Variants in SLC39A8 observed in about 807,000 individuals in gnomAD.
The protein encoded by SLC39A8 is solute carrier family 39 member 8, also known as metal cation symporter ZIP8.
SLC39A8 carries 15 observed loss-of-function variants against 40.4 expected under a neutral mutation model. The ratio of observed to expected loss-of-function variants is 0.37; its 90% CI spans 0.25 to 0.57. SLC39A8 has a LOEUF of 0.57. Ranked by LOEUF, SLC39A8 falls within the 20% of genes least tolerant of loss-of-function variation. The pLI is 0.75. For synonymous variants in SLC39A8, 223 were observed against 221.6 expected, an observed-to-expected ratio of 1.01 and a Z score of -0.06; for missense variants, 472 against 558.8, an observed-to-expected ratio of 0.84 and a Z score of 1.57.
At chr4:102,325,101 A>C (rs1735139743) in intron 2 of SLC39A8, among the ~76,000 whole-genome samples, 1 of 152,006 alleles carries the variant, frequency 6.6e-6, no homozygotes, top group Admixed American at 6.6e-5. Context: ...ATATGTATAC[A>C]TATATACACA....
intron 2 of SLC39A8, among the ~76,000 whole-genome samples, chr4:102,340,322 T>C (rs1438094767): frequency 6.6e-6 from 1 of 152,156 alleles, no homozygotes; most frequent in African/African-American, 2.4e-5. Context: ...TATAAAATAA[T>C]TTACATGTTA....
In SLC39A8 at chr4:102,261,989, A is replaced by C; in HGVS notation, c.*1055T>G. 1.0e-6 allele frequency: 1 copy of C among 985,846 alleles called. No individual in the cohort carries two copies. The highest frequency in any genetic ancestry group is 1.2e-6 in the Non-Finnish European group (1 of 829,872). The allele number at this position is 985,846 out of a possible 1,614,324, so 61.1% of individuals were successfully genotyped here. ...GGTAGAAAAATAACCATGGTGTGCTAATTTTTTTCAAGGTATACCATATGG... is the reference window on the plus strand; with the variant it reads ...GGTAGAAAAATAACCATGGTGTGCTCATTTTTTTCAAGGTATACCATATGG... On this transcript the variant is annotated 3_prime_UTR_variant, in exon 9 of 9. Transcript: ENST00000356736.
At chr4:102,278,753 T>C (rs1732737843) in intron 6 of SLC39A8, among the ~76,000 whole-genome samples, 2 of 152,148 alleles carry the variant, frequency 1.3e-5, no homozygotes, top group Admixed American at 6.5e-5. Context: ...TGCCCATCAA[T>C]GATAGAATGG....
chr4:102,267,656 A>C lies in SLC39A8; in HGVS notation c.1067T>G (p.Leu356Arg). 1 of 1,592,214 alleles carries C rather than the reference A, an allele frequency of 6.3e-7. No individual in the cohort carries two copies. The highest frequency in any genetic ancestry group is 8.5e-7 in the Non-Finnish European group (1 of 1,173,232). Residue 356 changes from leucine to arginine, a missense_variant, in exon 8 of 9, where the codon CTC (leucine) becomes CGC (arginine). This residue lies in a region of SLC39A8 where 239 missense variants were observed against 317.9 expected (regional missense o/e 0.75). Coordinates refer to ENST00000356736, the MANE Select transcript of SLC39A8 (RefSeq NM_001135146.2). ...TTGTCGAGTGCTCATCCCTGCATTGAGTAGGATCACAAAGTCTCCTAGAAG... is the reference window on the plus strand; with the variant it reads ...TTGTCGAGTGCTCATCCCTGCATTGCGTAGGATCACAAAGTCTCCTAGAAG... ...PHELGDFVIL[L>R]NAGMSTRQAL...
At chr4:102,306,493 C>G (rs780112373) in intron 4 of SLC39A8, among the ~76,000 whole-genome samples, 6 of 102,776 alleles carry the variant, frequency 5.8e-5, no homozygotes, top group Non-Finnish European at 1.2e-4. Context: ...ATCTATAACT[C>G]TAAAAAGTTA....
rs115336985 is a variant in SLC39A8, at chr4:102,332,332, C to T, written c.219+12112G>A. Among the ~76,000 whole-genome samples the T allele has an allele frequency of 6.5e-3, 990 of 152,274 alleles. 12 individuals are homozygous for T. Among genetic ancestry groups the T allele is most frequent in the African/African-American group, 0.022 (912 of 41,566 alleles). ...ACAAATTTACAAGAACAAAAACAAA[C>T]AACCCCACCAAAAACTGGGCAAAGG... On this transcript the variant is annotated intron_variant, in intron 2 of 8. Coordinates refer to ENST00000356736, the MANE Select transcript of SLC39A8 (RefSeq NM_001135146.2).
chr4:102,295,413 A>G lies in SLC39A8; in HGVS notation c.840+8904T>C, dbSNP rs17032491. ...CATATGGATATCAAAGTAGTCCATG[A>G]CTGACACCCATAAGAAACTGACTGT... On this transcript the variant is annotated intron_variant, in intron 6 of 8. Coordinates refer to ENST00000356736, the MANE Select transcript of SLC39A8 (RefSeq NM_001135146.2). 6.5e-3 allele frequency among the ~76,000 whole-genome samples: 995 copies of G among 152,210 alleles called. 17 individuals carry two copies. The highest frequency in any genetic ancestry group is 0.023 in the African/African-American group (949 of 41,558).
chr4:102,298,518 A>T (rs11734114), intron 6 of SLC39A8, among the ~76,000 whole-genome samples: 46,601 of 151,886 alleles, frequency 0.31, 7,618 homozygotes, highest in East Asian at 0.41. Context: ...ATTAATTGTT[A>T]TTATAGGGGA....
chr4:102,309,624 T>G (rs1394835756), intron 3 of SLC39A8, among the ~76,000 whole-genome samples: 1 of 152,122 alleles, frequency 6.6e-6, no homozygotes, highest in Non-Finnish European at 1.5e-5. Context: ...ATAATCTCAT[T>G]GGGTAGACAA....
chr4:102,318,002 C>T (rs1734737940), intron 2 of SLC39A8, among the ~76,000 whole-genome samples: 1 of 152,006 alleles, frequency 6.6e-6, no homozygotes, highest in African/African-American at 2.4e-5. Flanking sequence ...TGTTGCTTAA[C>T]CAAACTTTAG....
intron 2 of SLC39A8, among the ~76,000 whole-genome samples, chr4:102,329,362 C>A (rs113754240): frequency 1.3e-5 from 2 of 152,250 alleles, no homozygotes; most frequent in African/African-American, 2.4e-5. Context: ...GTGGCTCATG[C>A]CTGTATTCTC....
intron 6 of SLC39A8, among the ~76,000 whole-genome samples, chr4:102,300,695 A>G (rs1042848509): frequency 1.3e-5 from 2 of 151,978 alleles, no homozygotes; most frequent in Admixed American, 1.3e-4. Flanking sequence ...AAAATTCTTA[A>G]ATCCATACTT....
Position 102,262,383 on chromosome 4 carries a change from A to G in SLC39A8, c.*661T>C. 1.0e-6 allele frequency: 1 copy of G among 985,548 alleles called. No individual in the cohort carries two copies. Among genetic ancestry groups the G allele is most frequent in the Non-Finnish European group, 1.2e-6 (1 of 829,930 alleles). The allele number at this position is 985,548 out of a possible 1,614,324, so 61.1% of individuals were successfully genotyped here. ...AATCTGGTGAAGTTTATACTTAGCG[A>G]TAAGCCTCTAAGCCTGAACTTAGCA... On this transcript the variant is annotated 3_prime_UTR_variant, in exon 9 of 9. Transcript: ENST00000356736.
intron 6 of SLC39A8, among the ~76,000 whole-genome samples, chr4:102,282,703 T>C (rs920299787): frequency 6.6e-6 from 1 of 152,118 alleles, no homozygotes; most frequent in Non-Finnish European, 1.5e-5. Context: ...TCCTCTATTC[T>C]AGTGATCAAG....
At chr4:102,286,904 A>G (rs549014061) in intron 6 of SLC39A8, among the ~76,000 whole-genome samples, 106 of 152,280 alleles carry the variant, frequency 7.0e-4, no homozygotes, top group African/African-American at 2.5e-3. Context: ...TATTCTCATT[A>G]GGAAATTAGT....
chr4:102,309,732 C>G (rs1734343799), intron 3 of SLC39A8, among the ~76,000 whole-genome samples: 1 of 152,098 alleles, frequency 6.6e-6, no homozygotes, highest in East Asian at 1.9e-4. Flanking sequence ...ATCAGCTTCC[C>G]TGCAAACACC....
At chr4:102,294,351 C>T (rs1733591273) in intron 6 of SLC39A8, among the ~76,000 whole-genome samples, 1 of 151,926 alleles carries the variant, frequency 6.6e-6, no homozygotes, top group African/African-American at 2.4e-5. Flanking sequence ...TAGCAAGAAT[C>T]CCCTCATCCT....
chr4:102,293,909 T>G (rs955437435), intron 6 of SLC39A8, among the ~76,000 whole-genome samples: 8 of 146,210 alleles, frequency 5.5e-5, no homozygotes, highest in East Asian at 2.0e-4. Flanking sequence ...CAGAGTTTTG[T>G]TTTTTTTTTC....
At chr4:102,308,955 A>G (rs994460023) in intron 3 of SLC39A8, among the ~76,000 whole-genome samples, 8 of 152,248 alleles carry the variant, frequency 5.3e-5, no homozygotes, top group African/African-American at 1.9e-4. Flanking sequence ...AGAAAGCTGG[A>G]TTTTGAACCT....
Sources: gnomAD v4.1 joint callset for allele counts (sites outside exome capture counted in the v4.1 genomes callset) on GRCh38, gnomAD v4.1.1 for gene constraint, gnomAD v4.1.1 regional missense constraint, MANE v1.5 for transcripts, NCBI Gene and HGNC (gene_info 2026-07-23, HGNC 2026-07-21) for gene names.